The following TMEM45A variants were observed in gnomAD, a reference collection of about 807,000 sequenced individuals.
The protein encoded by TMEM45A is DNA polymerase-transactivated protein 4.
TMEM45A carries 25 observed loss-of-function variants against 32.0 expected under a neutral mutation model. That is an observed-to-expected ratio of 0.78 (90% confidence interval 0.57 to 1.09). TMEM45A has a LOEUF of 1.09. Ranked by LOEUF, TMEM45A falls within the 50% of genes least tolerant of loss-of-function variation. The probability of loss-of-function intolerance (pLI) is 0.00; values close to 1 mark genes in which losing one functional copy is unlikely to be tolerated. For missense variants in TMEM45A, 302 were observed against 325.0 expected, an observed-to-expected ratio of 0.93 and a Z score of 0.54; for synonymous variants, 122 against 114.8, an observed-to-expected ratio of 1.06 and a Z score of -0.40.
At chr3:100,509,313 G>C (rs1263528739) in intron 1 of TMEM45A, among the ~76,000 whole-genome samples, 1 of 152,194 alleles carries the variant, frequency 6.6e-6, no homozygotes, top group African/African-American at 2.4e-5. Context: ...GGAGAAAAGA[G>C]AACTCTTACA....
chr3:100,510,101 C>G (rs1424091354), intron 1 of TMEM45A, among the ~76,000 whole-genome samples: 3 of 151,962 alleles, frequency 2.0e-5, no homozygotes, highest in Admixed American at 6.6e-5. Flanking sequence ...GAAGCTCGAA[C>G]TGGGTGGAGC....
At chr3:100,549,732 A>G (rs1576284468) in intron 1 of TMEM45A, among the ~76,000 whole-genome samples, 1 of 152,186 alleles carries the variant, frequency 6.6e-6, no homozygotes, top group Admixed American at 6.5e-5. Flanking sequence ...TAGAGCCATT[A>G]TAAATCCTTA....
At chr3:100,511,030 C>T (rs2148936182) in intron 1 of TMEM45A, among the ~76,000 whole-genome samples, 1 of 152,270 alleles carries the variant, frequency 6.6e-6, no homozygotes, top group Admixed American at 6.5e-5. Flanking sequence ...GAGAATGGAA[C>T]CAAGTTGGAA....
At chr3:100,554,229 A>G (rs1706168381) in intron 1 of TMEM45A, among the ~76,000 whole-genome samples, 1 of 151,950 alleles carries the variant, frequency 6.6e-6, no homozygotes, top group Non-Finnish European at 1.5e-5. Flanking sequence ...CTGTTTATTA[A>G]CCAGAAGTGA....
chr3:100,562,645 C>A (rs1191073688), intron 4 of TMEM45A, among the ~76,000 whole-genome samples: 1 of 152,172 alleles, frequency 6.6e-6, no homozygotes, highest in African/African-American at 2.4e-5. Flanking sequence ...CCTGGGCCTG[C>A]AGTTTAGACC....
chr3:100,552,321 G>T (rs78152007), intron 1 of TMEM45A, among the ~76,000 whole-genome samples: 9,692 of 152,132 alleles, frequency 0.064, 1,055 homozygotes, highest in African/African-American at 0.22. Context: ...CTATTGAGGA[G>T]GACAGACCTT....
At chr3:100,550,729 TGGG>T (rs1316735574) in intron 1 of TMEM45A, among the ~76,000 whole-genome samples, 1 of 152,236 alleles carries the variant, frequency 6.6e-6, no homozygotes, top group Non-Finnish European at 1.5e-5. Context: ...AGTTAGATCT[TGGG>T]CTCTGCCCAA....
Position 100,569,223 on chromosome 3 carries a change from G to A in TMEM45A, c.734+256G>A, listed in dbSNP as rs1241541281. ...ATTTCCCTTCATCACACTCCTCTGT[G>A]CCTCCATGTCTCCACATATGCTATT... On this transcript the variant is annotated intron_variant, in intron 5 of 5. Transcript: ENST00000323523. 2.6e-5 allele frequency among the ~76,000 whole-genome samples: 4 copies of A among 152,148 alleles called. No homozygotes were observed. In the East Asian group the frequency reaches 7.7e-4, roughly 29 times the overall value.
At chr3:100,575,997 G>A (rs1706677030) in intron 5 of TMEM45A, among the ~76,000 whole-genome samples, 1 of 152,148 alleles carries the variant, frequency 6.6e-6, no homozygotes, top group Non-Finnish European at 1.5e-5. Context: ...ACAGCCCAGC[G>A]ATTCTCTTAA....
At chr3:100,541,592 C>T (rs995812394) in intron 1 of TMEM45A, among the ~76,000 whole-genome samples, 4 of 141,600 alleles carry the variant, frequency 2.8e-5, no homozygotes, top group African/African-American at 5.3e-5. Flanking sequence ...TTTGATGGCA[C>T]GATCATGACT....
At chr3:100,573,009 T>C (rs912548849) in intron 5 of TMEM45A, 30 of 151,696 alleles carry the variant, frequency 2.0e-4, no homozygotes, top group African/African-American at 7.0e-4. Flanking sequence ...TGTAGCCTTG[T>C]AGTATAGTTT....
intron 4 of TMEM45A, among the ~76,000 whole-genome samples, chr3:100,565,746 ATCTC>A (rs1258566978): frequency 6.6e-6 from 1 of 152,162 alleles, no homozygotes; most frequent in African/African-American, 2.4e-5. Context: ...GTTATCTATT[ATCTC>A]TCTATCTACT....
chr3:100,531,083 T>C (rs1041219443), intron 1 of TMEM45A, among the ~76,000 whole-genome samples: 10 of 152,322 alleles, frequency 6.6e-5, no homozygotes, highest in African/African-American at 2.4e-4. Flanking sequence ...ATTAACATTG[T>C]TTGACTCTAT....
Position 100,558,595 on chromosome 3 carries a change from T to A in TMEM45A, c.588+6T>A. ...AGGGGAGCTGGTTCTTTCAGGTGAG[T>A]TGGGGCCTCTAGTTAATGTACCTGG... On this transcript the variant is annotated splice_donor_region_variant and intron_variant, in intron 4 of 5. Transcript: ENST00000323523. 1 of 1,612,966 alleles carries A rather than the reference T, an allele frequency of 6.2e-7. No homozygotes were observed. The highest frequency in any genetic ancestry group is 2.2e-5 in the East Asian group (1 of 44,866).
intron 1 of TMEM45A, among the ~76,000 whole-genome samples, chr3:100,548,008 C>T (rs1055061700): frequency 6.6e-5 from 10 of 151,986 alleles, no homozygotes; most frequent in African/African-American, 1.7e-4. Context: ...GCTGATGTTC[C>T]GTGGATGGTT....
At chr3:100,540,581 T>C (rs1189538420) in intron 1 of TMEM45A, among the ~76,000 whole-genome samples, 1 of 152,190 alleles carries the variant, frequency 6.6e-6, no homozygotes, top group Non-Finnish European at 1.5e-5. Flanking sequence ...CTCTCATTCA[T>C]TGCTAGTCGG....
intron 1 of TMEM45A, among the ~76,000 whole-genome samples, chr3:100,497,327 G>A (rs2148922972): frequency 6.6e-6 from 1 of 152,266 alleles, no homozygotes; most frequent in Non-Finnish European, 1.5e-5. Flanking sequence ...AAAAGCCATG[G>A]AGAGCATTCA....
chr3:100,524,675 A>G (rs1705507483), intron 1 of TMEM45A, among the ~76,000 whole-genome samples: 4 of 152,202 alleles, frequency 2.6e-5, no homozygotes. Context: ...TTTCCAGGGC[A>G]TGCTTTCCTA....
At chr3:100,566,167 A>G (rs1183729571) in intron 4 of TMEM45A, among the ~76,000 whole-genome samples, 1 of 151,974 alleles carries the variant, frequency 6.6e-6, no homozygotes, top group Non-Finnish European at 1.5e-5. Context: ...TATCCATATC[A>G]GTTTTTGAAT....
Sources: allele counts gnomAD v4.1 joint callset (sites outside exome capture counted in the v4.1 genomes callset), GRCh38; gene constraint gnomAD v4.1.1; transcripts MANE v1.5; gene names NCBI Gene and HGNC (gene_info 2026-07-23, HGNC 2026-07-21).